The following C1QTNF6 variants were observed in gnomAD, a reference collection of about 807,000 sequenced individuals.
The protein encoded by C1QTNF6 is complement C1q tumor necrosis factor-related protein 6.
In C1QTNF6, 17 loss-of-function variants were observed where a neutral mutation model predicts 20.7. The ratio of observed to expected loss-of-function variants is 0.82; its 90% CI spans 0.56 to 1.23. The LOEUF (loss-of-function observed/expected upper bound fraction) is 1.23, where lower values mean the gene tolerates loss of function less well. Among genes scored for constraint, C1QTNF6 ranks in the 50% most tolerant of loss-of-function variants. The pLI is 0.00. For synonymous variants in C1QTNF6, 130 were observed against 156.3 expected, an observed-to-expected ratio of 0.83 and a Z score of 1.25; for missense variants, 329 against 389.7, an observed-to-expected ratio of 0.84 and a Z score of 1.31.
intron 2 of C1QTNF6, among the ~76,000 whole-genome samples, chr22:37,194,049 C>T (rs1924985906): frequency 6.6e-6 from 1 of 152,142 alleles, no homozygotes; most frequent in African/African-American, 2.4e-5. Context: ...AGGGCTATCA[C>T]ATGAAGCCCC....
intron 2 of C1QTNF6, among the ~76,000 whole-genome samples, chr22:37,194,947 G>T (rs531968702): frequency 2.2e-4 from 34 of 152,370 alleles, no homozygotes; most frequent in African/African-American, 7.5e-4. Context: ...AGGGAGGCCA[G>T]AGGCCTCCAT....
chr22:37,197,282 AGGGAGGGAGCCAAG>A (rs1925194247), intron 1 of C1QTNF6: 1 of 152,270 alleles, frequency 6.6e-6, no homozygotes, highest in South Asian at 2.1e-4. Flanking sequence ...AGGGCTGCAG[AGGGAGGGAGCCAAG>A]GGGAGCCTCC....
chr22:37,198,266 A>C (rs893535481), upstream of C1QTNF6: 1 of 152,164 alleles, frequency 6.6e-6, no homozygotes, highest in South Asian at 2.1e-4. Flanking sequence ...TGGGCCTTCC[A>C]TATCTTGACT....
chr22:37,198,815 A>C (rs1601644670), upstream of C1QTNF6, among the ~76,000 whole-genome samples: 7 of 119,858 alleles, frequency 5.8e-5, no homozygotes, highest in Admixed American at 1.6e-4. Context: ...CACCCCCCAC[A>C]CACAAACCGG....
chr22:37,199,356 G>A (rs1226734099), upstream of C1QTNF6: 9 of 152,474 alleles, frequency 5.9e-5, 1 homozygote, highest in South Asian at 6.2e-4. Context: ...CGAGGGACGA[G>A]GACCTGCCTC....
In C1QTNF6 at chr22:37,184,535, A is replaced by G. The variant is rs564907997; in HGVS notation, c.289+683T>C. 13 of 705,306 alleles carry G rather than the reference A, an allele frequency of 1.8e-5. No homozygotes were observed. Among genetic ancestry groups the G allele is most frequent in the South Asian group, 4.5e-5 (3 of 66,630 alleles). 43.7% of individuals were successfully genotyped at this position (705,306 alleles called of 1,614,324 possible). ...TCACCTGGACAGCCCTCACCTGGAC[A>G]GCCCTCACCTGGATGGCCCTCACCT... On this transcript the variant is annotated intron_variant, in intron 2 of 2. Coordinates refer to ENST00000337843, the MANE Select transcript of C1QTNF6 (RefSeq NM_031910.4). The surrounding 1 kb of genome is among the most constrained non-coding windows in gnomAD (Gnocchi z 4.0).
upstream of C1QTNF6, chr22:37,188,300 G>T: frequency 1.6e-6 from 2 of 1,239,702 alleles, no homozygotes; most frequent in Non-Finnish European, 2.2e-6. Flanking sequence ...AGAGAGGAGG[G>T]GATGGAGGGA....
Position 37,182,461 on chromosome 22 carries a change from A to G in C1QTNF6, c.564T>C (p.Arg188=). The G allele has an allele frequency of 6.2e-7, 1 of 1,614,254 alleles. No homozygotes were observed. The highest frequency in any genetic ancestry group is 8.5e-7 in the Non-Finnish European group (1 of 1,180,052). ...CATTGAGGCTGAAGAAGTAGATGCC[A>G]CGCAGGGGAGCAGCAAACTGGCCGG... ...MATGQFAAPL[R]GIYFFSLNVH... The change falls in exon 3 of 3, where the codon CGT becomes CGC. Residue 188 remains arginine (R), a synonymous_variant. Transcript: ENST00000337843.
In C1QTNF6 at chr22:37,184,596, G is replaced by A. The variant is rs536423259; in HGVS notation, c.289+622C>T. On this transcript the variant is annotated intron_variant, in intron 2 of 2. Coordinates refer to ENST00000337843, the MANE Select transcript of C1QTNF6 (RefSeq NM_031910.4). The surrounding 1 kb of genome is among the most constrained non-coding windows in gnomAD (Gnocchi z 4.0). ...CACAGGGCTGCATGCTCCGACCCTC[G>A]GCCCCCGCTGGTTGCTCTCCACATG... Among the ~76,000 whole-genome samples the A allele has an allele frequency of 5.9e-5, 9 of 151,972 alleles. No homozygotes were observed. The highest frequency in any genetic ancestry group is 2.1e-4 in the South Asian group (1 of 4,818).
chr22:37,187,978 C>T (rs1015906285), intron 1 of C1QTNF6, among the ~76,000 whole-genome samples, 185 bp downstream of exon 1: 1 of 151,962 alleles, frequency 6.6e-6, no homozygotes, highest in Non-Finnish European at 1.5e-5. Context: ...GGGCACAAAC[C>T]GGGAGCAGTG....
chr22:37,188,251 T>C (rs1166128374), upstream of C1QTNF6: 3 of 1,556,326 alleles, frequency 1.9e-6, no homozygotes, highest in African/African-American at 1.4e-5. Context: ...CAATACTAAC[T>C]TGTTGCTGGC....
upstream of C1QTNF6, chr22:37,188,419 G>C: frequency 2.1e-6 from 1 of 479,704 alleles, no homozygotes; most frequent in South Asian, 3.4e-5. Context: ...AAGGGAGGCA[G>C]GGATTTCCTT....
At chr22:37,190,372 C>A (rs1273085407), upstream of C1QTNF6, among the ~76,000 whole-genome samples, 1 of 152,162 alleles carries the variant, frequency 6.6e-6, no homozygotes, top group Non-Finnish European at 1.5e-5. Context: ...TGTTTTAAAG[C>A]TTTGAGCCCA....
At position 37,184,410 on chromosome 22, in the gene C1QTNF6, C is replaced by G. The variant is rs760975740; in HGVS notation, c.289+808G>C. ...GGTCACAGCCGTCAGCCACCACAGC[C>G]TGGAAGGGAAGCGAGTCCTTCCACG... On this transcript the variant is annotated intron_variant, in intron 2 of 2. Transcript: ENST00000337843. This position sits in a 1 kb window ranked among gnomAD's most constrained non-coding sequence, Gnocchi z 4.0. 4.2e-6 allele frequency: 3 copies of G among 717,194 alleles called. No individual in the cohort carries two copies. Among genetic ancestry groups the G allele is most frequent in the Non-Finnish European group, 7.8e-6 (3 of 385,040 alleles). 44.4% of individuals were successfully genotyped at this position (717,194 alleles called of 1,614,324 possible).
upstream of C1QTNF6, among the ~76,000 whole-genome samples, chr22:37,199,010 A>G (rs1925326047): frequency 6.6e-6 from 1 of 152,166 alleles, no homozygotes; most frequent in Non-Finnish European, 1.5e-5. Context: ...GGGGAAACTG[A>G]GTCTGGAGAG....
chr22:37,192,963 T>G (rs1924908852), upstream of C1QTNF6, among the ~76,000 whole-genome samples: 1 of 152,180 alleles, frequency 6.6e-6, no homozygotes, highest in South Asian at 2.1e-4. Context: ...ACCCCAAAAT[T>G]AAGGGTTTCA....
chr22:37,187,991 G>C (rs1924526101), intron 1 of C1QTNF6, among the ~76,000 whole-genome samples, 172 bp downstream of exon 1: 1 of 152,160 alleles, frequency 6.6e-6, no homozygotes, highest in African/African-American at 2.4e-5. Context: ...GAGCAGTGGA[G>C]CGCAGCCCTC....
Position 37,181,892 on chromosome 22 carries a change from C to T in C1QTNF6, c.*296G>A, listed in dbSNP as rs1465167348. 1.2e-5 allele frequency: 5 copies of T among 420,984 alleles called. No individual in the cohort carries two copies. The highest frequency in any genetic ancestry group is 4.6e-5 in the East Asian group (1 of 21,512). The allele number at this position is 420,984 out of a possible 1,614,324, so 26.1% of individuals were successfully genotyped here. On this transcript the variant is annotated 3_prime_UTR_variant, in exon 3 of 3. Transcript: ENST00000337843. Reference sequence around the variant, plus strand: ...GCTGAGTCAGAATCTGCATTTAACACGAACCCCGGGTGATTCGCATGCATT... The same window carrying T: ...GCTGAGTCAGAATCTGCATTTAACATGAACCCCGGGTGATTCGCATGCATT...
At chr22:37,192,860 T>C (rs1313344532), upstream of C1QTNF6, among the ~76,000 whole-genome samples, 1 of 152,224 alleles carries the variant, frequency 6.6e-6, no homozygotes, top group Non-Finnish European at 1.5e-5. Context: ...ATTGGATTAC[T>C]GACTTCAGGG....
Sources: gnomAD v4.1 joint callset for allele counts (sites outside exome capture counted in the v4.1 genomes callset) on GRCh38, gnomAD v4.1.1 for gene constraint, Gnocchi (gnomAD v3.1) non-coding constraint, MANE v1.5 for transcripts, NCBI Gene and HGNC (gene_info 2026-07-23, HGNC 2026-07-21) for gene names.